The following THADA variants were observed in gnomAD, a reference collection of about 807,000 sequenced individuals.
THADA encodes the protein THADA armadillo repeat containing.
Under a neutral mutation model 219.8 loss-of-function variants are expected in THADA, and 213 were observed. The ratio of observed to expected loss-of-function variants is 0.97; its 90% CI spans 0.87 to 1.09. The LOEUF is 1.09. THADA is among the 50% of genes least tolerant of loss of function. The pLI is 0.00. For missense variants in THADA, 2,956 were observed against 2,311.3 expected, an observed-to-expected ratio of 1.28 and a Z score of -5.72; for synonymous variants, 1,018 against 828.9, an observed-to-expected ratio of 1.23 and a Z score of -3.92.
chr2:43,299,470 C>T (rs371830936), intron 31 of THADA, among the ~76,000 whole-genome samples: 45 of 151,608 alleles, frequency 3.0e-4, no homozygotes, highest in African/African-American at 1.0e-3. Flanking sequence ...ACCAACCTGG[C>T]CAACATGGTG....
At chr2:43,581,465 AC>A (rs1178846198) in intron 8 of THADA, among the ~76,000 whole-genome samples, 1 of 149,514 alleles carries the variant, frequency 6.7e-6, no homozygotes, top group African/African-American at 2.5e-5. Flanking sequence ...GGGATGTGAA[AC>A]CCAACATGCA....
At chr2:43,553,440 G>T (rs1009776861) in intron 17 of THADA, among the ~76,000 whole-genome samples, 1 of 152,162 alleles carries the variant, frequency 6.6e-6, no homozygotes, top group African/African-American at 2.4e-5. Flanking sequence ...ACAAAGGCCA[G>T]AGCTTGCTCT....
intron 28 of THADA, among the ~76,000 whole-genome samples, chr2:43,403,581 T>G (rs1396475972): frequency 6.6e-6 from 1 of 152,096 alleles, no homozygotes; most frequent in Non-Finnish European, 1.5e-5. Context: ...CAATATCCCC[T>G]TCCATCCTAC....
chr2:43,373,216 T>C (rs969630706), intron 29 of THADA, among the ~76,000 whole-genome samples: 1 of 152,204 alleles, frequency 6.6e-6, no homozygotes, highest in Non-Finnish European at 1.5e-5. Context: ...ATGACAAGTT[T>C]ACATGTTTAT....
At chr2:43,299,847 C>T (rs1038733330) in intron 31 of THADA, among the ~76,000 whole-genome samples, 3 of 130,130 alleles carry the variant, frequency 2.3e-5, no homozygotes, top group South Asian at 5.7e-4. Context: ...ACCAACATGG[C>T]GAAACCCCGC....
chr2:43,513,962 A>G (rs996658312), intron 22 of THADA, among the ~76,000 whole-genome samples: 1 of 151,804 alleles, frequency 6.6e-6, no homozygotes, highest in Non-Finnish European at 1.5e-5. Context: ...CAGGAGGCTA[A>G]AGCAGGAAGA....
chr2:43,551,768 C>T (rs761241074), intron 19 of THADA, 21 bp downstream of exon 19: 5 of 1,606,236 alleles, frequency 3.1e-6, no homozygotes, highest in Non-Finnish European at 2.5e-6. Context: ...GCACTCTAGC[C>T]GGCCTTCTTC....
intron 26 of THADA, among the ~76,000 whole-genome samples, chr2:43,447,156 G>C (rs1681680271): frequency 6.6e-6 from 1 of 152,100 alleles, no homozygotes; most frequent in Non-Finnish European, 1.5e-5. Flanking sequence ...CAAGCAAAGG[G>C]AGAAAAGCCC....
chr2:43,561,525 C>G (rs2103944437), intron 15 of THADA, among the ~76,000 whole-genome samples: 1 of 152,286 alleles, frequency 6.6e-6, no homozygotes, highest in East Asian at 1.9e-4. Context: ...CATTTAAAAA[C>G]ATTTCACAAG....
intron 30 of THADA, among the ~76,000 whole-genome samples, chr2:43,322,674 CTTTTTTTTT>C (rs34557514): frequency 9.1e-5 from 5 of 54,814 alleles, no homozygotes; most frequent in African/African-American, 3.4e-4. Flanking sequence ...ACATTCTATT[CTTTTTTTTT>C]TTTTTTTTTT....
intron 34 of THADA, among the ~76,000 whole-genome samples, chr2:43,290,036 C>A (rs957611089): frequency 2.1e-5 from 3 of 141,592 alleles, no homozygotes; most frequent in African/African-American, 7.9e-5. Flanking sequence ...AGTGCAGTGG[C>A]ATGATCTCAG....
chr2:43,282,783 T>A (rs1339753966), intron 35 of THADA, among the ~76,000 whole-genome samples: 2 of 152,212 alleles, frequency 1.3e-5, no homozygotes, highest in African/African-American at 4.8e-5. Context: ...CTTAGGATAT[T>A]CTCAAGCTTG....
intron 36 of THADA, among the ~76,000 whole-genome samples, chr2:43,256,021 C>T (rs1027493593): frequency 7.2e-5 from 11 of 152,202 alleles, no homozygotes; most frequent in African/African-American, 2.7e-4. Context: ...TCTACTGAAA[C>T]ATTTGCTGAA....
intron 21 of THADA, among the ~76,000 whole-genome samples, chr2:43,531,387 C>A (rs141953304): frequency 6.6e-6 from 1 of 152,286 alleles, no homozygotes; most frequent in African/African-American, 2.4e-5. Flanking sequence ...CTTTTCATAT[C>A]AATGAATGAG....
intron 26 of THADA, among the ~76,000 whole-genome samples, chr2:43,443,393 T>C (rs937924065): frequency 3.3e-5 from 5 of 152,212 alleles, no homozygotes; most frequent in Non-Finnish European, 7.3e-5. Context: ...TGCCAGAGCT[T>C]GAAATGTTCT....
At chr2:43,441,790 T>C (rs928762246) in intron 26 of THADA, among the ~76,000 whole-genome samples, 1 of 152,262 alleles carries the variant, frequency 6.6e-6, no homozygotes, top group African/African-American at 2.4e-5. Context: ...TAGGTCATAT[T>C]TGAATCTCCC....
At chr2:43,372,747 A>G (rs2104627334) in intron 29 of THADA, among the ~76,000 whole-genome samples, 1 of 152,286 alleles carries the variant, frequency 6.6e-6, no homozygotes. Flanking sequence ...CATTAGTCTA[A>G]TAAGTATTTA....
intron 28 of THADA, among the ~76,000 whole-genome samples, chr2:43,404,090 A>G (rs1444323337): frequency 6.6e-6 from 1 of 152,202 alleles, no homozygotes; most frequent in African/African-American, 2.4e-5. Context: ...TGCACATTTC[A>G]GTTCATTCTC....
chr2:43,560,535 AATTT>A (rs1697937657), intron 15 of THADA, 150 bp from the exon 16 acceptor site: 1 of 475,268 alleles, frequency 2.1e-6, no homozygotes, highest in Non-Finnish European at 3.5e-6. Context: ...CTTTTCCATT[AATTT>A]ATTTCTTAAA....
Sources: allele counts gnomAD v4.1 joint callset (sites outside exome capture counted in the v4.1 genomes callset), GRCh38; gene constraint gnomAD v4.1.1; transcripts MANE v1.5; gene names NCBI Gene and HGNC (gene_info 2026-07-23, HGNC 2026-07-21).